FAM135B: variants seen among roughly 807,000 people sequenced by gnomAD.
FAM135B encodes the protein protein FAM135B.
FAM135B carries 43 observed loss-of-function variants against 127.7 expected under a neutral mutation model. The ratio of observed to expected loss-of-function variants is 0.34; its 90% confidence interval spans 0.26 to 0.43. The LOEUF is 0.43. FAM135B is among the 20% of genes least tolerant of loss of function. FAM135B has a pLI of 1.00. For missense variants in FAM135B, 1,558 were observed against 1,725.6 expected, an observed-to-expected ratio of 0.90 and a Z score of 1.72; for synonymous variants, 670 against 665.1, an observed-to-expected ratio of 1.01 and a Z score of -0.11.
intron 4 of FAM135B, 34 bp from the exon 5 acceptor site, chr8:138,256,793 A>G (rs781590787): frequency 4.5e-6 from 7 of 1,563,040 alleles, no homozygotes; most frequent in Non-Finnish European, 6.2e-6. Context: ...GGATTTCAGG[A>G]GTCAAATCTT....
At position 138,131,058 on chromosome 8, in the gene FAM135B, C is replaced by A. The variant is rs978807659; in HGVS notation, c.*1535G>T. ...GCCCATCTGGACTCATTCCCATGGT[C>A]TGCTTTTATTTTTCAAAGTCACATT... On this transcript the variant is annotated 3_prime_UTR_variant, in exon 20 of 20. Transcript: ENST00000395297. 3 of 152,164 alleles carry A rather than the reference C, an allele frequency of 2.0e-5. No homozygotes were observed. The highest frequency in any genetic ancestry group is 1.5e-5 in the Non-Finnish European group (1 of 68,032). 9.4% of individuals were successfully genotyped at this position (152,164 alleles called of 1,614,324 possible).
intron 2 of FAM135B, among the ~76,000 whole-genome samples, chr8:138,365,882 A>G (rs994352215): frequency 1.3e-5 from 2 of 152,142 alleles, no homozygotes; most frequent in Admixed American, 6.5e-5. Context: ...ACTGAACGGG[A>G]TTCTGCCATA....
At chr8:138,233,727 C>T (rs921998222) in intron 7 of FAM135B, among the ~76,000 whole-genome samples, 12 of 152,244 alleles carry the variant, frequency 7.9e-5, no homozygotes, top group East Asian at 5.8e-4. Context: ...AGTGAAAATG[C>T]AACCTGCAGA....
intron 3 of FAM135B, among the ~76,000 whole-genome samples, chr8:138,309,812 T>A (rs1309958478): frequency 1.3e-5 from 2 of 152,082 alleles, no homozygotes; most frequent in Non-Finnish European, 2.9e-5. Flanking sequence ...TCTGTCTGTT[T>A]ACTTTAATGC....
At chr8:138,210,274 GAC>G (rs763955311) in intron 7 of FAM135B, among the ~76,000 whole-genome samples, 1 of 152,150 alleles carries the variant, frequency 6.6e-6, no homozygotes, top group Non-Finnish European at 1.5e-5. Context: ...TCCTCCAGCT[GAC>G]ACTGGGGCAG....
rs200066982 is a variant in FAM135B, at chr8:138,483,086, G to GA, written c.-20+13584dup. On this transcript the variant is annotated intron_variant, in intron 1 of 19. Transcript: ENST00000395297. Reference sequence around the variant, plus strand: ...TTCAGGAACAATCAATTTAAAATTTGAAAAAAAAAAATCTCACTGTCTCTA... The same window carrying GA: ...TTCAGGAACAATCAATTTAAAATTTGAAAAAAAAAAAATCTCACTGTCTCTA... Among the ~76,000 whole-genome samples the GA allele has an allele frequency of 1.6e-3, 227 of 146,136 alleles. 9 individuals are homozygous for GA. The highest frequency in any genetic ancestry group is 3.5e-3 in the South Asian group (16 of 4,626).
intron 15 of FAM135B, chr8:138,144,404 C>T (rs1817482275): frequency 6.6e-6 from 1 of 152,182 alleles, no homozygotes; most frequent in South Asian, 2.1e-4. Flanking sequence ...GAGCGAGACT[C>T]CATTTCAAAA....
intron 1 of FAM135B, among the ~76,000 whole-genome samples, chr8:138,387,432 A>G (rs1197070583): frequency 6.6e-6 from 1 of 152,186 alleles, no homozygotes; most frequent in African/African-American, 2.4e-5. Flanking sequence ...AATGCAGTTC[A>G]GATAAGCCCA....
intron 7 of FAM135B, among the ~76,000 whole-genome samples, chr8:138,237,150 ATTTTTTTTT>A (rs10604150): frequency 2.7e-4 from 27 of 101,340 alleles, no homozygotes; most frequent in African/African-American, 9.1e-4. Context: ...TGGATCCTTG[ATTTTTTTTT>A]TTTTTTTTTT....
At chr8:138,274,316 G>A (rs148694481) in intron 3 of FAM135B, among the ~76,000 whole-genome samples, 3,577 of 152,234 alleles carry the variant, frequency 0.023, 92 homozygotes, top group East Asian at 0.079. Flanking sequence ...AGTAGGTTCC[G>A]TGATGCCCCA....
intron 1 of FAM135B, among the ~76,000 whole-genome samples, chr8:138,452,324 T>C (rs1239709220): frequency 1.3e-5 from 2 of 151,966 alleles, no homozygotes; most frequent in African/African-American, 2.4e-5. Flanking sequence ...TTTCACCACG[T>C]TGGCCAGACT....
At chr8:138,264,420 T>TGTA (rs1157969227) in intron 4 of FAM135B, among the ~76,000 whole-genome samples, 1 of 152,216 alleles carries the variant, frequency 6.6e-6, no homozygotes, top group East Asian at 1.9e-4. Flanking sequence ...TGGGTACAGT[T>TGTA]GTAGCTTCAC....
At chr8:138,140,699 C>A (rs1817063790) in intron 17 of FAM135B, among the ~76,000 whole-genome samples, 1 of 152,154 alleles carries the variant, frequency 6.6e-6, no homozygotes, top group Non-Finnish European at 1.5e-5. Flanking sequence ...TACATACTTA[C>A]ATTGTGTACA....
At chr8:138,434,248 C>T (rs1587444649) in intron 1 of FAM135B, among the ~76,000 whole-genome samples, 1 of 152,144 alleles carries the variant, frequency 6.6e-6, no homozygotes, top group South Asian at 2.1e-4. Flanking sequence ...CAATTGCTGT[C>T]TAAATATGAA....
chr8:138,454,559 G>C (rs920271651), intron 1 of FAM135B, among the ~76,000 whole-genome samples: 1 of 152,226 alleles, frequency 6.6e-6, no homozygotes, highest in African/African-American at 2.4e-5. Context: ...TGCAGAGCAA[G>C]TAAGTGCAGA....
intron 7 of FAM135B, among the ~76,000 whole-genome samples, chr8:138,206,266 T>C (rs75673110): frequency 2.1e-3 from 88 of 42,376 alleles, no homozygotes; most frequent in Middle Eastern, 0.016. Context: ...CACACAGCTC[T>C]ATCATCCCCT....
In FAM135B at chr8:138,247,148, C is replaced by T. The variant is rs181837403; in HGVS notation, c.542+3693G>A. On this transcript the variant is annotated intron_variant, in intron 6 of 19. Coordinates refer to ENST00000395297, the MANE Select transcript of FAM135B (RefSeq NM_015912.4). ...ACTTGCCTTGTCTCAGATGAGACTT[C>T]GGACTTGGACTTTTGGGTTAATGCT... is the stretch of plus-strand genomic sequence containing the variant. 2.1e-3 allele frequency among the ~76,000 whole-genome samples: 323 copies of T among 152,178 alleles called. 4 individuals are homozygous for T. The highest frequency in any genetic ancestry group is 5.9e-4 in the Non-Finnish European group (40 of 68,010).
At chr8:138,469,515 G>A (rs1245216082) in intron 1 of FAM135B, among the ~76,000 whole-genome samples, 2 of 152,024 alleles carry the variant, frequency 1.3e-5, no homozygotes, top group South Asian at 2.1e-4. Context: ...AGCAAAGTAG[G>A]AAGAAAAAAA....
chr8:138,226,856 C>T (rs750971816), intron 7 of FAM135B, among the ~76,000 whole-genome samples: 4 of 152,108 alleles, frequency 2.6e-5, no homozygotes, highest in South Asian at 2.1e-4. Flanking sequence ...GCCACCACAC[C>T]GAGCTAATTT....
Sources: gnomAD v4.1 joint callset for allele counts (sites outside exome capture counted in the v4.1 genomes callset) on GRCh38, gnomAD v4.1.1 for gene constraint, MANE v1.5 for transcripts, NCBI Gene and HGNC (gene_info 2026-07-23, HGNC 2026-07-21) for gene names.